Variants in IFFO2 observed in about 807,000 individuals in gnomAD.
IFFO2 encodes the protein intermediate filament family orphan 2.
Under a neutral mutation model 53.5 loss-of-function variants are expected in IFFO2, and 19 were observed. The ratio of observed to expected loss-of-function variants is 0.36; its 90% confidence interval spans 0.25 to 0.52. The LOEUF (loss-of-function observed/expected upper bound fraction) is 0.52. Ranked by LOEUF, IFFO2 falls within the 20% of genes least tolerant of loss-of-function variation. The pLI is 0.94. For missense variants in IFFO2, 570 were observed against 727.4 expected (o/e 0.78, Z 2.49); for synonymous variants, 303 against 313.6 (o/e 0.97, Z 0.36).
At chr1:18,924,458 G>A (rs1372942329) in intron 1 of IFFO2, among the ~76,000 whole-genome samples, 2 of 152,230 alleles carry the variant, frequency 1.3e-5, no homozygotes, top group South Asian at 2.1e-4. Flanking sequence ...AGGGCAGCAG[G>A]AAGGGACAGG....
intron 1 of IFFO2, among the ~76,000 whole-genome samples, chr1:18,935,002 C>T (rs1028941865): frequency 5.9e-5 from 9 of 152,148 alleles, no homozygotes; most frequent in Non-Finnish European, 2.9e-5. Context: ...GTAGAAAAGG[C>T]TTTTGTGCCC....
At chr1:18,934,833 T>A (rs938354320) in intron 1 of IFFO2, among the ~76,000 whole-genome samples, 1 of 152,182 alleles carries the variant, frequency 6.6e-6, no homozygotes, top group Non-Finnish European at 1.5e-5. Flanking sequence ...ACACAGCAGG[T>A]GGCTGCAGGG....
chr1:18,955,435 T>A (rs754866951), intron 1 of IFFO2, among the ~76,000 whole-genome samples: 1 of 152,204 alleles, frequency 6.6e-6, no homozygotes, highest in African/African-American at 2.4e-5. Flanking sequence ...GAAAACAATG[T>A]GCCTCACCAG....
At chr1:18,937,050 G>A (rs1032732026) in intron 1 of IFFO2, among the ~76,000 whole-genome samples, 2 of 152,174 alleles carry the variant, frequency 1.3e-5, no homozygotes, top group African/African-American at 2.4e-5. Context: ...CTCAGAGGTG[G>A]GAGGTGATAT....
chr1:18,911,663 C>T (rs1243293620), intron 6 of IFFO2, among the ~76,000 whole-genome samples, 187 bp from the exon 7 acceptor site: 6 of 152,026 alleles, frequency 3.9e-5, no homozygotes, highest in Non-Finnish European at 8.8e-5. Context: ...CTCAGCCTCC[C>T]GAATAGCTGG....
At chr1:18,910,497 G>C in intron 7 of IFFO2, 25 bp from the exon 8 acceptor site, 2 of 1,598,054 alleles carry the variant, frequency 1.3e-6, no homozygotes, top group East Asian at 4.5e-5. Context: ...TGAGGAATAA[G>C]GGTGAGGGCA....
Position 18,918,415 on chromosome 1 carries a change from G to T in IFFO2, c.910C>A (p.Leu304Met). 1 of 1,557,626 alleles carries T rather than the reference G, an allele frequency of 6.4e-7. No homozygotes were observed. Among genetic ancestry groups the T allele is most frequent in the Non-Finnish European group, 8.7e-7 (1 of 1,150,198 alleles). Reference sequence around the variant, plus strand: ...TTCCGCTGCTGTGCGACATCGCACAGCTTGGCCGTGATATCGATTCGGCGG... The same window carrying T: ...TTCCGCTGCTGTGCGACATCGCACATCTTGGCCGTGATATCGATTCGGCGG... The part of the protein sequence containing the change: ...ICRRIDITAK[L>M]CDVAQQRNSE... Residue 304 changes from leucine to methionine, a missense_variant, in exon 4 of 9, where the codon CTG becomes ATG. Leu to Met is a conservative substitution (Grantham distance 15, BLOSUM62 2). Transcript: ENST00000455833. This position sits in a 1 kb window ranked among gnomAD's most constrained non-coding sequence, Gnocchi z 5.2.
Position 18,908,504 on chromosome 1 carries a change from G to T in IFFO2, c.*57C>A. 1 of 1,290,026 alleles carries T rather than the reference G, an allele frequency of 7.8e-7. No homozygotes were observed. The highest frequency in any genetic ancestry group is 1.3e-5 in the South Asian group (1 of 78,890). 79.9% of individuals were successfully genotyped at this position (1,290,026 alleles called of 1,614,324 possible). On this transcript the variant is annotated 3_prime_UTR_variant, in exon 9 of 9. Coordinates refer to ENST00000455833, the MANE Select transcript of IFFO2 (RefSeq NM_001136265.2). ...CTCCGAGGGGCCTTCCTGGCCCCAT[G>T]AGGAGAGGTGGCAGGGCCCCATCAC...
rs1557640611 is a variant in IFFO2 at position 18,918,596 on chromosome 1, G to A, written c.823-94C>T. 1.2e-5 allele frequency: 16 copies of A among 1,353,364 alleles called. No individual in the cohort carries two copies. The South Asian group carries it at 1.7e-4, about 15-fold the overall frequency. The allele number at this position is 1,353,364 out of a possible 1,614,324, so 83.8% of individuals were successfully genotyped here. ...TGGGGAGACCCCTAGGTGTCAGCAG[G>A]GGTGGTGCGGGGAGGCCTCCAGAGT... On this transcript the variant is annotated intron_variant, in intron 3 of 8. Coordinates refer to ENST00000455833, the MANE Select transcript of IFFO2 (RefSeq NM_001136265.2). This position sits in a 1 kb window ranked among gnomAD's most constrained non-coding sequence, Gnocchi z 5.2.
At chr1:18,935,574 C>A (rs1351602528) in intron 1 of IFFO2, among the ~76,000 whole-genome samples, 1 of 152,158 alleles carries the variant, frequency 6.6e-6, no homozygotes, top group African/African-American at 2.4e-5. Context: ...TGACCCGACT[C>A]CTTGGTCAGG....
chr1:18,923,677 A>T (rs1936244829), intron 1 of IFFO2, among the ~76,000 whole-genome samples: 1 of 152,230 alleles, frequency 6.6e-6, no homozygotes. Flanking sequence ...GCAAGCAGGG[A>T]GCTGGGACTC....
In IFFO2 at chr1:18,947,993, G is replaced by T. The variant is rs1936611613; in HGVS notation, c.665+7675C>A. Among the ~76,000 whole-genome samples the T allele has an allele frequency of 6.6e-6, 1 of 152,176 alleles. No homozygotes were observed. Among genetic ancestry groups the T allele is most frequent in the Non-Finnish European group, 1.5e-5 (1 of 68,048 alleles). On this transcript the variant is annotated intron_variant, in intron 1 of 8. Transcript: ENST00000455833. The surrounding 1 kb of genome is among the most constrained non-coding windows in gnomAD (Gnocchi z 5.0). Reference sequence around the variant, plus strand: ...ACCTTGGGGTCCAGAGACCCAGACGGACTCGTGGCGAGATCTGGGACAGAA... The same window carrying T: ...ACCTTGGGGTCCAGAGACCCAGACGTACTCGTGGCGAGATCTGGGACAGAA...
chr1:18,912,183 T>G, intron 5 of IFFO2, 100 bp from the exon 6 acceptor site: 1 of 1,435,014 alleles, frequency 7.0e-7, no homozygotes, highest in African/African-American at 1.4e-5. Context: ...GTACACAGCT[T>G]CAAGGCTGTC....
At position 18,908,714 on chromosome 1, in the gene IFFO2, T is replaced by C. The variant is rs1158166181; in HGVS notation, c.1449-48A>G. ...GAAATTCAGAGAGCAGCCCTGGGCC[T>C]CTGAAGGGTCAAGGAGTGGGAAGGC... On this transcript the variant is annotated intron_variant, in intron 8 of 8. Transcript: ENST00000455833. The C allele has an allele frequency of 5.7e-6, 8 of 1,392,950 alleles. No homozygotes were observed. In the East Asian group the frequency reaches 1.5e-4, roughly 26 times the overall value. 86.3% of individuals were successfully genotyped at this position (1,392,950 alleles called of 1,614,324 possible). A position where few individuals can be genotyped will look rare whatever the true frequency, so the allele number is the denominator to read the frequency against.
intron 1 of IFFO2, among the ~76,000 whole-genome samples, chr1:18,955,147 T>G (rs1298485674): frequency 6.6e-6 from 1 of 152,160 alleles, no homozygotes; most frequent in African/African-American, 2.4e-5. Flanking sequence ...GGTTAGAGTT[T>G]TTCTTTTCAT....
chr1:18,953,090 T>C (rs888769704), intron 1 of IFFO2, among the ~76,000 whole-genome samples: 2 of 152,204 alleles, frequency 1.3e-5, no homozygotes, highest in Non-Finnish European at 2.9e-5. Context: ...AGGCTCCTTC[T>C]GGGCATCATT....
intron 1 of IFFO2, among the ~76,000 whole-genome samples, chr1:18,929,574 A>C (rs2148176997): frequency 1.3e-5 from 2 of 152,074 alleles, no homozygotes; most frequent in African/African-American, 2.4e-5. Flanking sequence ...CATTCCCCTC[A>C]CCTGACATTC....
chr1:18,951,382 A>G (rs1268239478), intron 1 of IFFO2, among the ~76,000 whole-genome samples: 5 of 152,138 alleles, frequency 3.3e-5, no homozygotes, highest in Non-Finnish European at 7.4e-5. Flanking sequence ...CCCAGGCACC[A>G]GGAAAAAAAG....
At chr1:18,942,294 C>A (rs998859993) in intron 1 of IFFO2, among the ~76,000 whole-genome samples, 5 of 152,188 alleles carry the variant, frequency 3.3e-5, no homozygotes, top group African/African-American at 1.2e-4. Flanking sequence ...TTCATTCCCC[C>A]ACAAAGACTA....
Sources: allele counts gnomAD v4.1 joint callset (sites outside exome capture counted in the v4.1 genomes callset), GRCh38; gene constraint gnomAD v4.1.1; non-coding constraint Gnocchi (gnomAD v3.1); transcripts MANE v1.5; gene names NCBI Gene and HGNC (gene_info 2026-07-23, HGNC 2026-07-21).